MAGI2: variants seen among roughly 807,000 people sequenced by gnomAD.
The protein encoded by MAGI2 is membrane associated guanylate kinase, WW and PDZ domain containing 2, also known as membrane-associated guanylate kinase, WW and PDZ domain-containing protein 2.
In MAGI2, 35 loss-of-function variants were observed where a neutral mutation model predicts 133.3. That is an observed-to-expected ratio of 0.26 (90% CI 0.20 to 0.35). MAGI2 has a LOEUF of 0.35. Ranked by LOEUF, MAGI2 falls within the 10% of genes least tolerant of loss-of-function variation. MAGI2 has a pLI of 1.00. For synonymous variants in MAGI2, 729 were observed against 710.6 expected (o/e 1.03, Z -0.41); for missense variants, 1,636 against 1,863.4 (o/e 0.88, Z 2.25).
intron 14 of MAGI2, 24 bp from the exon 15 acceptor site, chr7:78,168,132 G>A (rs774577327): frequency 5.7e-6 from 9 of 1,588,602 alleles, no homozygotes; most frequent in Non-Finnish European, 7.7e-6. Context: ...GAGAAGGAAA[G>A]GACATTCACA....
At chr7:79,344,251 T>A (rs1179587784) in intron 1 of MAGI2, among the ~76,000 whole-genome samples, 1 of 152,030 alleles carries the variant, frequency 6.6e-6, no homozygotes, top group Non-Finnish European at 1.5e-5. Context: ...CAATACTAAT[T>A]ACATCAATAA....
intron 3 of MAGI2, among the ~76,000 whole-genome samples, chr7:78,593,144 T>C (rs1339464090): frequency 2.0e-5 from 3 of 151,914 alleles, no homozygotes; most frequent in South Asian, 2.1e-4. Flanking sequence ...TTCTTTCTTT[T>C]TTTTAAAGCA....
At position 79,009,784 on chromosome 7, in the gene MAGI2, A is replaced by C. The variant is rs138284607; in HGVS notation, c.302-2578T>G. On this transcript the variant is annotated intron_variant, in intron 1 of 21. Coordinates refer to ENST00000354212, the MANE Select transcript of MAGI2 (RefSeq NM_012301.4). ...ACATAATATCTGAGATGTAGCAGCC[A>C]TATTCTGACCATGAAGTGAAGTGAC... 5.8e-4 allele frequency among the ~76,000 whole-genome samples: 89 copies of C among 152,274 alleles called. 1 individual carries two copies. In the Middle Eastern group the frequency reaches 0.01, roughly 17 times the overall value.
At chr7:79,388,172 A>G (rs1339297834) in intron 1 of MAGI2, among the ~76,000 whole-genome samples, 1 of 151,962 alleles carries the variant, frequency 6.6e-6, no homozygotes, top group East Asian at 1.9e-4. Flanking sequence ...TATTAAGACC[A>G]TTCATTTTTC....
At chr7:78,283,613 TTAAATTCCCTGAAAGAAA>T (rs1245479285) in intron 9 of MAGI2, among the ~76,000 whole-genome samples, 2 of 152,122 alleles carry the variant, frequency 1.3e-5, no homozygotes, top group Non-Finnish European at 2.9e-5. Flanking sequence ...AAATGGTATT[TTAAATTCCCTGAAAGAAA>T]TATTCTCAAT....
intron 6 of MAGI2, among the ~76,000 whole-genome samples, chr7:78,466,211 G>A (rs746633541): frequency 3.0e-4 from 46 of 152,090 alleles, no homozygotes; most frequent in Non-Finnish European, 6.2e-4. Context: ...CCCCTTTTCC[G>A]ATCTGCTATT....
At chr7:78,684,897 A>C (rs968268490) in intron 2 of MAGI2, among the ~76,000 whole-genome samples, 2 of 152,214 alleles carry the variant, frequency 1.3e-5, no homozygotes, top group African/African-American at 4.8e-5. Flanking sequence ...GAAAGCAAGC[A>C]GGTAATTAGT....
chr7:78,101,192 G>C (rs1269326085), intron 20 of MAGI2, among the ~76,000 whole-genome samples: 2 of 152,136 alleles, frequency 1.3e-5, no homozygotes, highest in Non-Finnish European at 2.9e-5. Context: ...CACAAAAATA[G>C]AAAAAGAAAA....
At chr7:78,719,177 G>A (rs1820015865) in intron 2 of MAGI2, among the ~76,000 whole-genome samples, 1 of 152,116 alleles carries the variant, frequency 6.6e-6, no homozygotes, top group South Asian at 2.1e-4. Flanking sequence ...TTAATAGGAT[G>A]TTAAAGAAAA....
At chr7:78,655,960 G>A (rs1190952302) in intron 2 of MAGI2, among the ~76,000 whole-genome samples, 1 of 119,464 alleles carries the variant, frequency 8.4e-6, no homozygotes, top group African/African-American at 3.2e-5. Flanking sequence ...CAGCCTGGGC[G>A]ACAGAGCAAG....
chr7:78,892,590 T>C (rs947167449), intron 2 of MAGI2, among the ~76,000 whole-genome samples: 5 of 152,138 alleles, frequency 3.3e-5, no homozygotes, highest in Non-Finnish European at 5.9e-5. Flanking sequence ...CCTACAACCA[T>C]TGGATCTTTG....
At chr7:78,075,598 G>C (rs57301942) in intron 21 of MAGI2, among the ~76,000 whole-genome samples, 2 of 151,914 alleles carry the variant, frequency 1.3e-5, no homozygotes, top group African/African-American at 4.8e-5. Flanking sequence ...GGATGGTCTC[G>C]ATCTCCTGAC....
At chr7:79,424,638 A>C (rs1279537999) in intron 1 of MAGI2, among the ~76,000 whole-genome samples, 1 of 152,204 alleles carries the variant, frequency 6.6e-6, no homozygotes, top group South Asian at 2.1e-4. Context: ...CAATGTATGT[A>C]TACTTCAAAA....
At position 78,654,703 on chromosome 7, in the gene MAGI2, GTATATATATATATATATATATATA is replaced by G. The variant is rs57776940; in HGVS notation, c.419-27488_419-27465del. ...TATTTGTGTGTACTTTTACATATAT[GTATATATATATATATATATATATA>G]TATATATATATATATATATATAGCA... On this transcript the variant is annotated intron_variant, in intron 2 of 21. Transcript: ENST00000354212. 1.1e-3 allele frequency among the ~76,000 whole-genome samples: 136 copies of G among 118,450 alleles called. 3 individuals are homozygous for G. In the East Asian group the frequency reaches 0.023, roughly 20 times the overall value. 77.7% of individuals were successfully genotyped at this position (118,450 alleles called of 152,430 possible). A position where few individuals can be genotyped will look rare whatever the true frequency, so the allele number is the denominator to read the frequency against.
chr7:79,167,634 C>A (rs923070682), intron 1 of MAGI2, among the ~76,000 whole-genome samples: 2 of 152,058 alleles, frequency 1.3e-5, no homozygotes, highest in Non-Finnish European at 2.9e-5. Context: ...CAACCTCCTC[C>A]TGCTAAATCT....
intron 1 of MAGI2, among the ~76,000 whole-genome samples, chr7:79,317,364 T>G (rs923496237): frequency 6.6e-6 from 1 of 152,120 alleles, no homozygotes; most frequent in African/African-American, 2.4e-5. Flanking sequence ...TCCCCTCATA[T>G]GTTATTGTCA....
At chr7:78,958,677 G>A (rs1802603178) in intron 2 of MAGI2, among the ~76,000 whole-genome samples, 2 of 152,072 alleles carry the variant, frequency 1.3e-5, no homozygotes, top group South Asian at 4.1e-4. Flanking sequence ...GTGGAAAAAT[G>A]GTGAAGTGCT....
At chr7:78,958,774 A>T (rs1802612615) in intron 2 of MAGI2, among the ~76,000 whole-genome samples, 1 of 152,112 alleles carries the variant, frequency 6.6e-6, no homozygotes, top group Non-Finnish European at 1.5e-5. Flanking sequence ...CAATTGGATT[A>T]CCTGGTAATC....
intron 3 of MAGI2, among the ~76,000 whole-genome samples, chr7:78,576,377 G>C (rs1802267189): frequency 1.3e-5 from 2 of 152,092 alleles, no homozygotes; most frequent in South Asian, 4.1e-4. Context: ...GAATCTATTG[G>C]AGACTGGGAG....
Sources: allele counts gnomAD v4.1 joint callset (sites outside exome capture counted in the v4.1 genomes callset), GRCh38; gene constraint gnomAD v4.1.1; transcripts MANE v1.5; gene names NCBI Gene and HGNC (gene_info 2026-07-23, HGNC 2026-07-21).